Variants in CRYBG3 observed in about 807,000 individuals in gnomAD.
CRYBG3 encodes the protein crystallin beta-gamma domain containing 3, also known as very large A-kinase anchor protein.
A neutral mutation model predicts 244.2 loss-of-function variants in CRYBG3; 127 were observed. The ratio of observed to expected loss-of-function variants is 0.52; its 90% confidence interval spans 0.45 to 0.60. The LOEUF is 0.60. CRYBG3 is among the 20% of genes least tolerant of loss of function. The probability of loss-of-function intolerance (pLI) is 0.00; values close to 1 mark genes in which losing one functional copy is unlikely to be tolerated. For missense variants in CRYBG3, 3,325 were observed against 3,442.5 expected, an observed-to-expected ratio of 0.97 and a Z score of 0.85; for synonymous variants, 1,132 against 1,195.8, an observed-to-expected ratio of 0.95 and a Z score of 1.10.
Position 97,873,042 on chromosome 3 carries a change from T to A in CRYBG3, c.1848T>A (p.Asn616Lys), listed in dbSNP as rs1372703444. Residue 616 changes from asparagine to lysine, a missense_variant, in exon 4 of 22, where the codon AAT becomes AAA. Physicochemically the swap from Asn to Lys is moderately conservative, Grantham distance 94. This residue lies in a region of CRYBG3 where 1,526 missense variants were observed against 1,443.2 expected (regional missense o/e 1.06). Transcript: ENST00000389622. ...ENAPELKFEL[N>K]RSHISETPLD... The stretch of plus-strand genomic sequence containing the variant: ...CACCTGAGTTGAAATTTGAACTTAA[T>A]AGAAGTCACATTTCAGAAACTCCTC... 5 of 1,535,150 alleles carry A rather than the reference T, an allele frequency of 3.3e-6. No homozygotes were observed. The highest frequency in any genetic ancestry group is 3.5e-6 in the Non-Finnish European group (4 of 1,146,630).
Position 97,873,986 on chromosome 3 carries a change from C to G in CRYBG3, c.2792C>G (p.Ser931Cys). The G allele has an allele frequency of 3.3e-6, 5 of 1,533,822 alleles. No individual in the cohort carries two copies. Among genetic ancestry groups the G allele is most frequent in the South Asian group, 2.4e-5 (2 of 83,338 alleles). ...KPEPEVDALGSPPALLKSNIS... is the reference protein window; with the variant it reads ...KPEPEVDALGCPPALLKSNIS... ...GAACCAGAGGTAGATGCCTTAGGCTCTCCTCCTGCTCTTCTTAAAAGTAAT... is the reference window on the plus strand; with the variant it reads ...GAACCAGAGGTAGATGCCTTAGGCTGTCCTCCTGCTCTTCTTAAAAGTAAT... The change falls in exon 4 of 22, where the codon TCT becomes TGT. Residue 931 changes from serine to cysteine, a missense_variant. This residue lies in a region of CRYBG3 where 1,526 missense variants were observed against 1,443.2 expected (regional missense o/e 1.06). Transcript: ENST00000389622.
chr3:97,833,679 G>T (rs1373910588), intron 1 of CRYBG3, among the ~76,000 whole-genome samples: 1 of 152,034 alleles, frequency 6.6e-6, no homozygotes, highest in Non-Finnish European at 1.5e-5. Flanking sequence ...TAACAAACCT[G>T]CATGTTCTGG....
chr3:97,927,037 A>G (rs1255676331), intron 17 of CRYBG3, among the ~76,000 whole-genome samples: 1 of 151,786 alleles, frequency 6.6e-6, no homozygotes, highest in Non-Finnish European at 1.5e-5. Context: ...AAGTACCAAC[A>G]TTTTTTCACA....
chr3:97,822,786 C>A (rs1235154349), intron 1 of CRYBG3, among the ~76,000 whole-genome samples: 1 of 152,218 alleles, frequency 6.6e-6, no homozygotes, highest in East Asian at 1.9e-4. Context: ...GAATTGGGGG[C>A]GCGATCCCAG....
chr3:97,933,989 G>A (rs2040131382), intron 18 of CRYBG3, among the ~76,000 whole-genome samples, 156 bp downstream of exon 18: 1 of 152,122 alleles, frequency 6.6e-6, no homozygotes, highest in Non-Finnish European at 1.5e-5. Flanking sequence ...CACAGCATGT[G>A]TCATAGAGTA....
intron 10 of CRYBG3, 141 bp from the exon 11 acceptor site, chr3:97,892,719 C>T: frequency 2.0e-6 from 1 of 500,710 alleles, no homozygotes; most frequent in Non-Finnish European, 3.4e-6. Context: ...TGTAATACAC[C>T]TTTTCCATGA....
chr3:97,933,956 GA>G (rs2040131141), intron 18 of CRYBG3, 123 bp downstream of exon 18: 1 of 654,972 alleles, frequency 1.5e-6, no homozygotes. Flanking sequence ...GAGCCCTTTG[GA>G]AGAGAAGGGC....
At chr3:97,940,940 G>A (rs531311138) in intron 19 of CRYBG3, among the ~76,000 whole-genome samples, 2 of 152,028 alleles carry the variant, frequency 1.3e-5, no homozygotes, top group African/African-American at 4.8e-5. Context: ...TTCACAAAGT[G>A]TAATAGAGAC....
intron 4 of CRYBG3, 57 bp from the exon 5 acceptor site, chr3:97,879,647 T>C (rs2039422441): frequency 8.2e-7 from 1 of 1,214,468 alleles, no homozygotes; most frequent in South Asian, 1.4e-5. Flanking sequence ...GAAAATGAAT[T>C]ATGCATCTTT....
intron 3 of CRYBG3, among the ~76,000 whole-genome samples, chr3:97,871,395 C>A (rs1264181509): frequency 6.6e-6 from 1 of 152,094 alleles, no homozygotes; most frequent in Non-Finnish European, 1.5e-5. Context: ...TTCAAATTCA[C>A]ATGTAAGAGT....
At chr3:97,880,974 A>G in intron 6 of CRYBG3, 98 bp from the exon 7 acceptor site, 2 of 898,172 alleles carry the variant, frequency 2.2e-6, no homozygotes. Flanking sequence ...AAGATATCCC[A>G]GCTTAAAAAA....
intron 17 of CRYBG3, 175 bp from the exon 18 acceptor site, chr3:97,933,519 T>G (rs778629946): frequency 1.4e-6 from 1 of 728,338 alleles, no homozygotes. Flanking sequence ...TGAACAAAAA[T>G]TATTAATAAA....
Position 97,897,238 on chromosome 3 carries a change from C to T in CRYBG3, c.7701+1153C>T, listed in dbSNP as rs61360220. On this transcript the variant is annotated intron_variant, in intron 12 of 21. Transcript: ENST00000389622. ...ATTAATGGATACATAAGATCTCCAC[C>T]GATGTCTCATATCACATTGCCCTCT... 6.3e-3 allele frequency among the ~76,000 whole-genome samples: 955 copies of T among 152,078 alleles called. 8 individuals carry two copies. Among genetic ancestry groups the T allele is most frequent in the African/African-American group, 0.021 (870 of 41,498 alleles).
At chr3:97,930,204 G>A (rs746517603) in intron 17 of CRYBG3, among the ~76,000 whole-genome samples, 3 of 152,130 alleles carry the variant, frequency 2.0e-5, no homozygotes, top group Non-Finnish European at 4.4e-5. Flanking sequence ...TCTTCTCTGG[G>A]GAGAGTGCTG....
In CRYBG3 at chr3:97,898,282, A is replaced by G. The variant is rs116975980; in HGVS notation, c.7702-601A>G. Among the ~76,000 whole-genome samples, 57 of 150,334 alleles carry G rather than the reference A, an allele frequency of 3.8e-4. No individual in the cohort carries two copies. The East Asian group carries it at 9.1e-3, about 24-fold the overall frequency. On this transcript the variant is annotated intron_variant, in intron 12 of 21. Transcript: ENST00000389622. The stretch of plus-strand genomic sequence containing the variant: ...GTTTTAGTTTGAATTTCTTTAATTT[A>G]CTAATGAAATTAGACATTTGCATAT...
chr3:97,835,564 T>C (rs2038720820), intron 1 of CRYBG3, among the ~76,000 whole-genome samples: 1 of 152,070 alleles, frequency 6.6e-6, no homozygotes, highest in Admixed American at 6.6e-5. Flanking sequence ...TGTTAGTTCA[T>C]AGTAAGGAGT....
At chr3:97,922,572 T>A (rs904836733) in intron 17 of CRYBG3, among the ~76,000 whole-genome samples, 13 of 151,928 alleles carry the variant, frequency 8.6e-5, no homozygotes, top group African/African-American at 1.5e-4. Context: ...ATGCAGCCAA[T>A]AGACAAATGA....
Position 97,864,067 on chromosome 3 carries a change from A to G in CRYBG3, c.217-150A>G, listed in dbSNP as rs927002427. The G allele has an allele frequency of 6.3e-6, 4 of 634,986 alleles. 1 individual carries two copies. The highest frequency in any genetic ancestry group is 1.1e-5 in the Non-Finnish European group (4 of 377,958). The allele number at this position is 634,986 out of a possible 1,614,324, so 39.3% of individuals were successfully genotyped here. On this transcript the variant is annotated intron_variant, in intron 2 of 21. Transcript: ENST00000389622. ...GGTCATGCTTACTGTGCTCTTCAGTAGATTGTGAACTGCCCAAAGGAACAG... is the reference window on the plus strand; with the variant it reads ...GGTCATGCTTACTGTGCTCTTCAGTGGATTGTGAACTGCCCAAAGGAACAG...
At chr3:97,822,834 A>C (rs1454293732) in intron 1 of CRYBG3, among the ~76,000 whole-genome samples, 1 of 152,234 alleles carries the variant, frequency 6.6e-6, no homozygotes, top group African/African-American at 2.4e-5. Flanking sequence ...CAAAAGTGGA[A>C]AAGGTAAAGC....
Sources: gnomAD v4.1 joint callset for allele counts (sites outside exome capture counted in the v4.1 genomes callset) on GRCh38, gnomAD v4.1.1 for gene constraint, gnomAD v4.1.1 regional missense constraint, MANE v1.5 for transcripts, NCBI Gene and HGNC (gene_info 2026-07-23, HGNC 2026-07-21) for gene names.